TAFA5: variants seen among roughly 807,000 people sequenced by gnomAD.
TAFA5 encodes chemokine-like protein TAFA-5.
A neutral mutation model predicts 15.3 loss-of-function variants in TAFA5; 6 were observed. The observed-to-expected ratio is 0.39, with a 90% CI of 0.21 to 0.77. TAFA5 has a LOEUF of 0.77. TAFA5 is among the 30% of genes least tolerant of loss of function. TAFA5 has a pLI of 0.41. For synonymous variants in TAFA5, 103 were observed against 80.7 expected, an observed-to-expected ratio of 1.28 and a Z score of -1.48; for missense variants, 161 against 193.1, an observed-to-expected ratio of 0.83 and a Z score of 0.98.
Position 48,646,677 on chromosome 22 carries a change from A to G in TAFA5, c.193A>G (p.Thr65Ala). ...GCCTCGGAGGACGATCGCCCGGCAG[A>G]CCGCCCGCTGTGCGTGTAGAAAGGG... The part of the protein sequence containing the change: ...SQPRRTIARQ[T>A]ARCACRKGQI... The change falls in exon 2 of 4, where the codon ACC becomes GCC. Residue 65 changes from threonine (T) to alanine (A), a missense_variant. Thr to Ala is a moderately conservative substitution (Grantham distance 58). Coordinates refer to ENST00000402357, the MANE Select transcript of TAFA5 (RefSeq NM_001082967.3). The G allele has an allele frequency of 6.2e-7, 1 of 1,611,208 alleles. No homozygotes were observed. The highest frequency in any genetic ancestry group is 8.5e-7 in the Non-Finnish European group (1 of 1,179,664).
chr22:48,493,848 G>A (rs1330120954), intron 1 of TAFA5, among the ~76,000 whole-genome samples: 1 of 152,192 alleles, frequency 6.6e-6, no homozygotes, highest in Non-Finnish European at 1.5e-5. Flanking sequence ...ACTTCCCAGC[G>A]GCTCTAGACA....
intron 1 of TAFA5, among the ~76,000 whole-genome samples, chr22:48,633,516 G>T (rs372207106): frequency 1.6e-5 from 1 of 62,636 alleles, no homozygotes; most frequent in African/African-American, 7.4e-5. Context: ...CTGTCTGTCT[G>T]TCTGTCTGTC....
chr22:48,661,320 C>T (rs1927432019), intron 2 of TAFA5, among the ~76,000 whole-genome samples: 1 of 152,186 alleles, frequency 6.6e-6, no homozygotes, highest in African/African-American at 2.4e-5. Flanking sequence ...CTTGCCCCAG[C>T]CCTCTCTCCT....
chr22:48,651,777 C>G (rs1927063084), intron 2 of TAFA5, among the ~76,000 whole-genome samples: 1 of 152,194 alleles, frequency 6.6e-6, no homozygotes, highest in African/African-American at 2.4e-5. Flanking sequence ...TCACCTTCCA[C>G]CCCACGTCCA....
chr22:48,559,232 G>A (rs1030310924), intron 1 of TAFA5, among the ~76,000 whole-genome samples: 2 of 152,192 alleles, frequency 1.3e-5, no homozygotes, highest in African/African-American at 4.8e-5. Context: ...GCTCCTCCTG[G>A]GCCACTGGGC....
chr22:48,676,124 C>G (rs540602018), intron 2 of TAFA5, among the ~76,000 whole-genome samples: 1 of 152,266 alleles, frequency 6.6e-6, no homozygotes, highest in African/African-American at 2.4e-5. Flanking sequence ...CCTCCCTGGG[C>G]CACAGCAGCC....
chr22:48,602,699 C>T (rs1434362188), intron 1 of TAFA5, among the ~76,000 whole-genome samples: 1 of 152,188 alleles, frequency 6.6e-6, no homozygotes, highest in African/African-American at 2.4e-5. Context: ...TGGACTCTGG[C>T]TGTGGCCGTT....
At chr22:48,521,509 A>T (rs1361557636) in intron 1 of TAFA5, among the ~76,000 whole-genome samples, 1 of 151,814 alleles carries the variant, frequency 6.6e-6, no homozygotes, top group African/African-American at 2.4e-5. Context: ...AAAGCACAAG[A>T]TAATCACCCA....
chr22:48,673,672 T>C (rs753404174), intron 2 of TAFA5, among the ~76,000 whole-genome samples: 1 of 152,126 alleles, frequency 6.6e-6, no homozygotes, highest in Non-Finnish European at 1.5e-5. Context: ...ATTTGAGGCT[T>C]GGAATAAAAC....
At chr22:48,567,585 G>A (rs994550642) in intron 1 of TAFA5, among the ~76,000 whole-genome samples, 10 of 152,202 alleles carry the variant, frequency 6.6e-5, no homozygotes, top group African/African-American at 2.4e-4. Flanking sequence ...AGCGTGGGCA[G>A]GTGGCCTGAG....
intron 1 of TAFA5, among the ~76,000 whole-genome samples, chr22:48,618,009 C>T (rs1365736447): frequency 6.6e-6 from 1 of 152,222 alleles, no homozygotes; most frequent in African/African-American, 2.4e-5. Flanking sequence ...AAATTCAGGC[C>T]ACTGGTAAGT....
chr22:48,522,174 C>T (rs905357617), intron 1 of TAFA5, among the ~76,000 whole-genome samples: 8 of 151,924 alleles, frequency 5.3e-5, no homozygotes, highest in East Asian at 3.9e-4. Context: ...CCAAGGCTGA[C>T]GGTTGCTGTC....
intron 2 of TAFA5, among the ~76,000 whole-genome samples, chr22:48,648,406 A>C (rs1039690714): frequency 4.6e-5 from 7 of 152,096 alleles, no homozygotes; most frequent in African/African-American, 1.7e-4. Flanking sequence ...GTGTGCTGTG[A>C]TTGAGAACAC....
At chr22:48,713,988 C>T (rs1027176148) in intron 3 of TAFA5, among the ~76,000 whole-genome samples, 9 of 152,240 alleles carry the variant, frequency 5.9e-5, no homozygotes, top group Non-Finnish European at 1.0e-4. Flanking sequence ...GTGTCAACAC[C>T]GGGGTCCCAG....
chr22:48,516,136 C>T lies in TAFA5; in HGVS notation c.112+26432C>T, dbSNP rs529561105. On this transcript the variant is annotated intron_variant, in intron 1 of 3. Transcript: ENST00000402357. Reference sequence around the variant, plus strand: ...TCTGATTGGCCCGGCAACGCACTTGCCATTAACTTTATGACGCGCTACCCA... The same window carrying T: ...TCTGATTGGCCCGGCAACGCACTTGTCATTAACTTTATGACGCGCTACCCA... 1.4e-4 allele frequency among the ~76,000 whole-genome samples: 21 copies of T among 152,240 alleles called. No individual in the cohort carries two copies. In the South Asian group the frequency reaches 2.5e-3, roughly 18 times the overall value.
intron 1 of TAFA5, among the ~76,000 whole-genome samples, chr22:48,607,799 T>TA (rs967983099): frequency 1.2e-4 from 18 of 151,792 alleles, no homozygotes; most frequent in Admixed American, 3.3e-4. Flanking sequence ...TCCAGTTCAT[T>TA]AAAAAAAACA....
At chr22:48,730,641 A>T (rs1189717460) in intron 3 of TAFA5, among the ~76,000 whole-genome samples, 1 of 151,708 alleles carries the variant, frequency 6.6e-6, no homozygotes, top group Non-Finnish European at 1.5e-5. Flanking sequence ...TGTATTTCAA[A>T]CTTTATTACT....
At chr22:48,584,432 A>G (rs1223080038) in intron 1 of TAFA5, among the ~76,000 whole-genome samples, 4 of 149,604 alleles carry the variant, frequency 2.7e-5, no homozygotes, top group African/African-American at 4.9e-5. Flanking sequence ...AAAATATACT[A>G]TGTAAATACA....
intron 1 of TAFA5, chr22:48,545,500 C>T (rs1335598060): frequency 1.9e-5 from 3 of 155,036 alleles, no homozygotes; most frequent in African/African-American, 7.2e-5. Flanking sequence ...AGTGATTACT[C>T]TGAACCCAGC....
Sources: allele counts gnomAD v4.1 joint callset (sites outside exome capture counted in the v4.1 genomes callset), GRCh38; gene constraint gnomAD v4.1.1; transcripts MANE v1.5; gene names NCBI Gene and HGNC (gene_info 2026-07-23, HGNC 2026-07-21).